The following ABCA3 variants were observed in gnomAD, a reference collection of about 807,000 sequenced individuals.
The protein encoded by ABCA3 is ATP binding cassette subfamily A member 3, also known as phospholipid-transporting ATPase ABCA3.
ABCA3 carries 88 observed loss-of-function variants against 172.8 expected under a neutral mutation model. The observed-to-expected ratio is 0.51, with a 90% CI of 0.43 to 0.61. The LOEUF is 0.61. Among genes scored for constraint, ABCA3 ranks in the 20% least tolerant of loss-of-function variants. The pLI, the probability that ABCA3 is intolerant of heterozygous loss-of-function variation, is 0.00. For synonymous variants in ABCA3, 1,066 were observed against 983.8 expected (o/e 1.08, Z -1.56); for missense variants, 2,164 against 2,301.0 (o/e 0.94, Z 1.22).
At chr16:2,310,999 G>T (rs1357671276) in intron 10 of ABCA3, among the ~76,000 whole-genome samples, 1 of 151,278 alleles carries the variant, frequency 6.6e-6, no homozygotes, top group Non-Finnish European at 1.5e-5. Context: ...TTTTGAGATG[G>T]AGTCTCGCTC....
At chr16:2,331,483 G>C (rs1240597879) in intron 1 of ABCA3, among the ~76,000 whole-genome samples, 1 of 152,250 alleles carries the variant, frequency 6.6e-6, no homozygotes, top group East Asian at 1.9e-4. Context: ...ACAGGCGTGA[G>C]CCACTGTGCC....
intron 20 of ABCA3, 123 bp from the exon 21 acceptor site, chr16:2,288,452 C>T: frequency 1.7e-6 from 2 of 1,179,222 alleles, no homozygotes; most frequent in Non-Finnish European, 1.2e-6. Flanking sequence ...TGAGGTTGCA[C>T]CGGAGACTCC....
intron 7 of ABCA3, among the ~76,000 whole-genome samples, chr16:2,322,353 T>C (rs935458901): frequency 4.0e-5 from 6 of 151,884 alleles, no homozygotes; most frequent in Non-Finnish European, 5.9e-5. Flanking sequence ...TAAACAAGAG[T>C]AAATGTTCCT....
Position 2,317,736 on chromosome 16 carries a change from C to A in ABCA3, c.902G>T (p.Ser301Ile), listed in dbSNP as rs756962639. The A allele has an allele frequency of 6.2e-7, 1 of 1,614,258 alleles. No homozygotes were observed. The change falls in exon 9 of 33, where the codon AGC becomes ATC. Residue 301 changes from serine to isoleucine, a missense_variant. Ser to Ile is a moderately radical substitution (Grantham distance 142). Transcript: ENST00000301732. ...KEYMRMMGLS[S>I]WLHWSAWFLL... Reference sequence around the variant, plus strand: ...GAACCAGGCACTCCAGTGCAGCCAGCTGCTGAGCCCCATCATGCGCATGTA... The same window carrying A: ...GAACCAGGCACTCCAGTGCAGCCAGATGCTGAGCCCCATCATGCGCATGTA...
chr16:2,328,385 AGG>A, intron 3 of ABCA3, 66 bp downstream of exon 3: 1 of 406,772 alleles, frequency 2.5e-6, no homozygotes, highest in Non-Finnish European at 4.9e-6. Context: ...AGTAAGAAAA[AGG>A]AACACAGACA....
intron 1 of ABCA3, among the ~76,000 whole-genome samples, chr16:2,331,149 C>T (rs1416617015): frequency 1.3e-5 from 2 of 152,138 alleles, no homozygotes; most frequent in African/African-American, 2.4e-5. Flanking sequence ...TAGAACATAA[C>T]ATCAGAAACT....
Position 2,285,426 on chromosome 16 carries a change from AC to A in ABCA3, c.3483+15del. 1 of 1,598,330 alleles carries A rather than the reference AC, an allele frequency of 6.3e-7. No individual in the cohort carries two copies. Among genetic ancestry groups the A allele is most frequent in the Non-Finnish European group, 8.5e-7 (1 of 1,172,590 alleles). On this transcript the variant is annotated intron_variant, in intron 23 of 32. Coordinates refer to ENST00000301732, the MANE Select transcript of ABCA3 (RefSeq NM_001089.3). The surrounding 1 kb of genome is among the most constrained non-coding windows in gnomAD (Gnocchi z 4.7). ...CGGTCTGCAGGGGAACGGATCCAGC[AC>A]CCTCCGGCGCTCACCAGCAGCAGCA... is the stretch of plus-strand genomic sequence containing the variant.
chr16:2,278,877 G>C lies in ABCA3; in HGVS notation c.4547+66C>G. ...CTGCTGACCTGAGCGGTCACTCCCA[G>C]CTCTATGCTATGGGGACCTTGATTC... On this transcript the variant is annotated intron_variant, in intron 29 of 32. Transcript: ENST00000301732. The surrounding 1 kb of genome is among the most constrained non-coding windows in gnomAD (Gnocchi z 4.4). 1.9e-6 allele frequency: 3 copies of C among 1,606,000 alleles called. No homozygotes were observed. The highest frequency in any genetic ancestry group is 1.7e-6 in the Non-Finnish European group (2 of 1,175,958).
chr16:2,295,788 T>G (rs754697231), intron 17 of ABCA3, 48 bp from the exon 18 acceptor site: 5 of 1,612,452 alleles, frequency 3.1e-6, no homozygotes, highest in Non-Finnish European at 8.5e-7. Flanking sequence ...CCCCCAGGTC[T>G]CTTCATGCCC....
chr16:2,289,247 G>T, intron 20 of ABCA3, 187 bp downstream of exon 20: 1 of 666,852 alleles, frequency 1.5e-6, no homozygotes, highest in Non-Finnish European at 2.5e-6. Context: ...AATTCCAGTT[G>T]CTCCATTCAA....
intron 5 of ABCA3, among the ~76,000 whole-genome samples, chr16:2,325,535 A>G (rs1481055652): frequency 6.6e-6 from 1 of 152,156 alleles, no homozygotes; most frequent in Non-Finnish European, 1.5e-5. Context: ...CCATCAGGCA[A>G]GCAAAAACCT....
chr16:2,325,100 G>A (rs1236002678), intron 5 of ABCA3, among the ~76,000 whole-genome samples: 1 of 149,976 alleles, frequency 6.7e-6, no homozygotes, highest in Non-Finnish European at 1.5e-5. Flanking sequence ...CATCCCGACA[G>A]CAAGGGTTTA....
intron 1 of ABCA3, among the ~76,000 whole-genome samples, chr16:2,337,560 T>TC (rs1567359035): frequency 6.6e-6 from 1 of 151,738 alleles, no homozygotes; most frequent in African/African-American, 2.4e-5. Context: ...TTTTTTTTTT[T>TC]TTTTTTTAGA....
At chr16:2,309,491 G>C (rs1047113282) in intron 10 of ABCA3, among the ~76,000 whole-genome samples, 1 of 152,230 alleles carries the variant, frequency 6.6e-6, no homozygotes, top group Non-Finnish European at 1.5e-5. Context: ...GCTCCCGACG[G>C]CCGGGAAGGC....
At chr16:2,307,463 G>A (rs948100994) in intron 11 of ABCA3, among the ~76,000 whole-genome samples, 9 of 152,012 alleles carry the variant, frequency 5.9e-5, no homozygotes, top group Non-Finnish European at 8.8e-5. Context: ...GCTGAGGTGG[G>A]AGGATCACTT....
rs886051804 is a variant in ABCA3 at position 2,276,053 on chromosome 16, G to A, written c.*621C>T. Reference sequence around the variant, plus strand: ...GCCTGGCCACCTTCCCTCCTGTGCCGGCTGCTTCTAGGAGATGCTGTGGGA... The same window carrying A: ...GCCTGGCCACCTTCCCTCCTGTGCCAGCTGCTTCTAGGAGATGCTGTGGGA... On this transcript the variant is annotated 3_prime_UTR_variant, in exon 33 of 33. Transcript: ENST00000301732. 3.5e-6 allele frequency: 1 copy of A among 284,306 alleles called. No homozygotes were observed. Among genetic ancestry groups the A allele is most frequent in the Non-Finnish European group, 7.0e-6 (1 of 143,212 alleles). 17.6% of individuals were successfully genotyped at this position (284,306 alleles called of 1,614,324 possible).
In ABCA3 at chr16:2,277,816, T is replaced by C; in HGVS notation, c.4909+63A>G. On this transcript the variant is annotated intron_variant, in intron 31 of 32. Coordinates refer to ENST00000301732, the MANE Select transcript of ABCA3 (RefSeq NM_001089.3). The surrounding 1 kb of genome is among the most constrained non-coding windows in gnomAD (Gnocchi z 5.3). ...AGGCACAGACGCTCCGCACAGCAGA[T>C]GGGAGAGGCCTAGGTAGGGGCCCAG... The C allele has an allele frequency of 6.2e-7, 1 of 1,601,958 alleles. No homozygotes were observed. Among genetic ancestry groups the C allele is most frequent in the Non-Finnish European group, 8.5e-7 (1 of 1,175,592 alleles).
Position 2,284,767 on chromosome 16 carries a change from C to A in ABCA3, c.3703+12G>T. ...TGGCCATGGGGGCTGCGGGTGGTCTCCAGGTGCCCACCTGGGATGCGCATG... is the reference window on the plus strand; with the variant it reads ...TGGCCATGGGGGCTGCGGGTGGTCTACAGGTGCCCACCTGGGATGCGCATG... On this transcript the variant is annotated intron_variant, in intron 24 of 32. Coordinates refer to ENST00000301732, the MANE Select transcript of ABCA3 (RefSeq NM_001089.3). This position sits in a 1 kb window ranked among gnomAD's most constrained non-coding sequence, Gnocchi z 5.9. 1 of 1,612,084 alleles carries A rather than the reference C, an allele frequency of 6.2e-7. No individual in the cohort carries two copies. Among genetic ancestry groups the A allele is most frequent in the South Asian group, 1.1e-5 (1 of 90,868 alleles).
At chr16:2,300,745 C>A (rs1040120578) in intron 12 of ABCA3, among the ~76,000 whole-genome samples, 1 of 152,174 alleles carries the variant, frequency 6.6e-6, no homozygotes, top group African/African-American at 2.4e-5. Context: ...CACAGTGGTG[C>A]GGGCAGAGCA....
Sources: gnomAD v4.1 joint callset for allele counts (sites outside exome capture counted in the v4.1 genomes callset) on GRCh38, gnomAD v4.1.1 for gene constraint, Gnocchi (gnomAD v3.1) non-coding constraint, MANE v1.5 for transcripts, NCBI Gene and HGNC (gene_info 2026-07-23, HGNC 2026-07-21) for gene names.